LPO: variants seen among roughly 807,000 people sequenced by gnomAD.
LPO encodes salivary peroxidase.
A neutral mutation model predicts 68.4 loss-of-function variants in LPO; 70 were observed. The observed-to-expected ratio is 1.02, with a 90% confidence interval of 0.84 to 1.25. The LOEUF is 1.25. LPO is among the 50% of genes most tolerant of loss of function. The pLI, the probability that LPO is intolerant of heterozygous loss-of-function variation, is 0.00. For synonymous variants in LPO, 360 were observed against 357.6 expected (o/e 1.01, Z -0.08); for missense variants, 873 against 908.4 (o/e 0.96, Z 0.50).
Position 58,252,165 on chromosome 17 carries a change from G to A in LPO, c.781-17G>A. On this transcript the variant is annotated splice_polypyrimidine_tract_variant and intron_variant, in intron 7 of 12. Coordinates refer to ENST00000262290, the MANE Select transcript of LPO (RefSeq NM_006151.3). ...GTTCCACCCCTGCCCAGTCACTTAT[G>A]CCCACTCTCTCTGCAGTTCCCACCC... The A allele has an allele frequency of 6.2e-7, 1 of 1,610,810 alleles. No individual in the cohort carries two copies. Among genetic ancestry groups the A allele is most frequent in the Non-Finnish European group, 8.5e-7 (1 of 1,177,630 alleles).
intron 8 of LPO, among the ~76,000 whole-genome samples, chr17:58,252,718 G>T (rs978656227): frequency 5.3e-5 from 8 of 152,070 alleles, no homozygotes; most frequent in African/African-American, 1.9e-4. Flanking sequence ...GTCCAGAAAA[G>T]TAACAAAGAA....
chr17:58,248,992 T>G, intron 4 of LPO, 68 bp from the exon 5 acceptor site: 1 of 1,202,938 alleles, frequency 8.3e-7, no homozygotes, highest in Non-Finnish European at 1.2e-6. Context: ...GGTCTCCATT[T>G]CCTGCCTCCC....
At chr17:58,244,912 G>T (rs1007053749) in intron 3 of LPO, among the ~76,000 whole-genome samples, 4 of 152,202 alleles carry the variant, frequency 2.6e-5, no homozygotes, top group Non-Finnish European at 5.9e-5. Flanking sequence ...CAACGTGGGC[G>T]CCTTCCCTCA....
In LPO at chr17:58,254,838, T is replaced by C; in HGVS notation, c.1133T>C (p.Leu378Pro). 6.2e-7 allele frequency: 1 copy of C among 1,614,130 alleles called. No homozygotes were observed. Among genetic ancestry groups the C allele is most frequent in the Non-Finnish European group, 8.5e-7 (1 of 1,180,026 alleles). The part of the protein sequence containing the change: ...AGDSRASEHI[L>P]LATSHTLFLR... ...GATTCTCGAGCCTCAGAGCATATTC[T>C]GCTGGCCACATCCCACACCCTCTTT... is the stretch of plus-strand genomic sequence containing the variant. Residue 378 changes from leucine to proline, a missense_variant, in exon 9 of 13, where the codon CTG becomes CCG. By Grantham distance (98) the Leu-to-Pro change is moderately conservative. Transcript: ENST00000262290.
Position 58,254,986 on chromosome 17 carries a change from G to C in LPO, c.1266+15G>C. 1 of 1,612,470 alleles carries C rather than the reference G, an allele frequency of 6.2e-7. No homozygotes were observed. The highest frequency in any genetic ancestry group is 8.5e-7 in the Non-Finnish European group (1 of 1,179,018). On this transcript the variant is annotated intron_variant, in intron 9 of 12. Coordinates refer to ENST00000262290, the MANE Select transcript of LPO (RefSeq NM_006151.3). ...CCTTCGTGCAGGTAGGGAGTCCCAG[G>C]AGCACTGTCACCTGGTCCCACCTGG...
rs770667738 is a variant in LPO at position 58,254,823 on chromosome 17, C to A, written c.1118C>A (p.Ala373Asp). The A allele has an allele frequency of 6.2e-7, 1 of 1,613,960 alleles. No homozygotes were observed. The highest frequency in any genetic ancestry group is 8.5e-7 in the Non-Finnish European group (1 of 1,179,928). ...VPCFLAGDSRASEHILLATSH... is the reference protein window; with the variant it reads ...VPCFLAGDSRDSEHILLATSH... ...TCTGGGCTTTCAGGAGATTCTCGAGCCTCAGAGCATATTCTGCTGGCCACA... is the reference window on the plus strand; with the variant it reads ...TCTGGGCTTTCAGGAGATTCTCGAGACTCAGAGCATATTCTGCTGGCCACA... Residue 373 changes from alanine (A) to aspartate (D), a missense_variant, in exon 9 of 13, where the codon GCC becomes GAC. Transcript: ENST00000262290.
At chr17:58,240,175 A>G (rs1165587492) in intron 1 of LPO, among the ~76,000 whole-genome samples, 1 of 152,204 alleles carries the variant, frequency 6.6e-6, no homozygotes, top group African/African-American at 2.4e-5. Flanking sequence ...TGGGTTTTGA[A>G]GAATGAATAG....
chr17:58,265,338 T>C (rs1446521140), intron 10 of LPO, among the ~76,000 whole-genome samples: 1 of 152,170 alleles, frequency 6.6e-6, no homozygotes, highest in Non-Finnish European at 1.5e-5. Context: ...GTTTGGTAAA[T>C]AAATTGCTCT....
At chr17:58,262,122 G>T (rs1970185261) in intron 9 of LPO, among the ~76,000 whole-genome samples, 1 of 152,120 alleles carries the variant, frequency 6.6e-6, no homozygotes, top group African/African-American at 2.4e-5. Flanking sequence ...CCTTTCTGAA[G>T]GTCCTGTCCT....
intron 5 of LPO, 45 bp from the exon 6 acceptor site, chr17:58,249,521 C>G (rs950232768): frequency 8.1e-5 from 129 of 1,587,624 alleles, no homozygotes; most frequent in Non-Finnish European, 1.0e-4. Flanking sequence ...TTTGGAGCCC[C>G]GGAGCCGGCC....
rs189098242 is a variant in LPO at position 58,249,011 on chromosome 17, C to T, written c.326-49C>T. 1.4e-4 allele frequency: 199 copies of T among 1,439,466 alleles called. No individual in the cohort carries two copies. The African/African-American group carries it at 2.6e-3, about 19-fold the overall frequency. 89.2% of individuals were successfully genotyped at this position (1,439,466 alleles called of 1,614,324 possible). A position where few individuals can be genotyped will look rare whatever the true frequency, so the allele number is the denominator to read the frequency against. On this transcript the variant is annotated intron_variant, in intron 4 of 12. Coordinates refer to ENST00000262290, the MANE Select transcript of LPO (RefSeq NM_006151.3). ...TCCATTTCCTGCCTCCCACGGGTGC[C>T]TGTGAATGGAGAAAGAACTCAGTCC...
intron 9 of LPO, among the ~76,000 whole-genome samples, chr17:58,262,254 T>C (rs1970188623): frequency 6.6e-6 from 1 of 152,222 alleles, no homozygotes. Context: ...TCTCCTTTAT[T>C]CCTGAAGAAT....
rs542367721 is a variant in LPO at position 58,255,049 on chromosome 17, C to T, written c.1266+78C>T. 699 of 1,495,246 alleles carry T rather than the reference C, an allele frequency of 4.7e-4. 9 individuals carry two copies. In the South Asian group the frequency reaches 8.0e-3, roughly 17 times the overall value. 92.6% of individuals were successfully genotyped at this position (1,495,246 alleles called of 1,614,324 possible). A position where few individuals can be genotyped will look rare whatever the true frequency, so the allele number is the denominator to read the frequency against. ...GCTCTGCCCTCTGCTGGCTGCTGTGCCTCAGGCTCTCTCCTCTGTTCCCAC... is the reference window on the plus strand; with the variant it reads ...GCTCTGCCCTCTGCTGGCTGCTGTGTCTCAGGCTCTCTCCTCTGTTCCCAC... On this transcript the variant is annotated intron_variant, in intron 9 of 12. Transcript: ENST00000262290.
intron 8 of LPO, 154 bp from the exon 9 acceptor site, chr17:58,254,656 CT>C (rs1567820105): frequency 1.6e-6 from 1 of 644,986 alleles, no homozygotes; most frequent in East Asian, 2.8e-5. Flanking sequence ...TCAGTACCCC[CT>C]CCCCATCCCT....
At chr17:58,261,061 A>G (rs569163649) in intron 9 of LPO, among the ~76,000 whole-genome samples, 72 of 152,264 alleles carry the variant, frequency 4.7e-4, no homozygotes, top group African/African-American at 1.7e-3. Flanking sequence ...TATCTTGTTG[A>G]ATATTCTGTG....
chr17:58,245,988 C>T (rs1160183616), intron 3 of LPO, among the ~76,000 whole-genome samples: 4 of 152,146 alleles, frequency 2.6e-5, no homozygotes, highest in African/African-American at 4.8e-5. Flanking sequence ...GAACGAGTCA[C>T]ATTTAAACAT....
chr17:58,252,702 C>G (rs1969984951), intron 8 of LPO, among the ~76,000 whole-genome samples, 196 bp downstream of exon 8: 1 of 152,046 alleles, frequency 6.6e-6, no homozygotes, highest in Admixed American at 6.5e-5. Context: ...AAAACAAAAT[C>G]AGGAAGTCCA....
At chr17:58,265,677 G>A (rs1864842333) in intron 10 of LPO, among the ~76,000 whole-genome samples, 1 of 147,894 alleles carries the variant, frequency 6.8e-6, no homozygotes, top group South Asian at 2.1e-4. Flanking sequence ...GACCTCCTGG[G>A]CTCACATGAT....
At chr17:58,250,804 A>G (rs1008411579) in intron 7 of LPO, 183 bp downstream of exon 7, 6 of 630,822 alleles carry the variant, frequency 9.5e-6, no homozygotes, top group Non-Finnish European at 1.7e-5. Context: ...TGACCACCCC[A>G]TACCAGGCAG....
Sources: allele counts gnomAD v4.1 joint callset (sites outside exome capture counted in the v4.1 genomes callset), GRCh38; gene constraint gnomAD v4.1.1; transcripts MANE v1.5; gene names NCBI Gene and HGNC (gene_info 2026-07-23, HGNC 2026-07-21).